The following CHID1 variants were observed in gnomAD, a reference collection of about 807,000 sequenced individuals.
CHID1 encodes the protein chitinase domain-containing protein 1.
In CHID1, 44 loss-of-function variants were observed where a neutral mutation model predicts 55.4. That is an observed-to-expected ratio of 0.79 (90% CI 0.62 to 1.02). CHID1 has a LOEUF of 1.02. Ranked by LOEUF, CHID1 falls within the 50% of genes least tolerant of loss-of-function variation. CHID1 has a pLI of 0.00. For missense variants in CHID1, 491 were observed against 515.3 expected (o/e 0.95, Z 0.46); for synonymous variants, 216 against 212.9 (o/e 1.01, Z -0.13).
At chr11:878,402 C>CA (rs1023559972) in intron 10 of CHID1, among the ~76,000 whole-genome samples, 17 of 150,390 alleles carry the variant, frequency 1.1e-4, no homozygotes, top group Admixed American at 6.6e-4. Flanking sequence ...GACTCCGTCT[C>CA]AAAAAAAACA....
chr11:872,955 C>G (rs1271288853), intron 10 of CHID1, among the ~76,000 whole-genome samples: 2 of 152,164 alleles, frequency 1.3e-5, no homozygotes, highest in Non-Finnish European at 2.9e-5. Context: ...GCCTCCCACT[C>G]AGGAGCCCCA....
intron 10 of CHID1, among the ~76,000 whole-genome samples, chr11:882,062 C>A (rs901171098): frequency 2.0e-5 from 3 of 151,564 alleles, no homozygotes; most frequent in Non-Finnish European, 4.4e-5. Context: ...TGTGGTGGCT[C>A]ACCCCTGTAA....
In CHID1 at chr11:870,385, G is replaced by C. The variant is rs1246742624; in HGVS notation, c.1040+34C>G. On this transcript the variant is annotated intron_variant, in intron 11 of 12. Coordinates refer to ENST00000323578, the MANE Select transcript of CHID1 (RefSeq NM_023947.4). The stretch of plus-strand genomic sequence containing the variant: ...CCCCAGGGCCCCTCCCTGCACACAA[G>C]GCCAAGGTGGGCCACGCACTTCAAA... 3 of 1,562,490 alleles carry C rather than the reference G, an allele frequency of 1.9e-6. No individual in the cohort carries two copies. The African/African-American group carries it at 4.1e-5, about 21-fold the overall frequency.
In CHID1 at chr11:868,020, C is replaced by T. The variant is rs1461920256; in HGVS notation, c.*1838G>A. The T allele has an allele frequency of 6.6e-6, 1 of 152,062 alleles. No homozygotes were observed. The highest frequency in any genetic ancestry group is 1.5e-5 in the Non-Finnish European group (1 of 68,038). The allele number at this position is 152,062 out of a possible 1,614,324, so 9.4% of individuals were successfully genotyped here. A position where few individuals can be genotyped will look rare whatever the true frequency, so the allele number is the denominator to read the frequency against. On this transcript the variant is annotated 3_prime_UTR_variant, in exon 13 of 13. Transcript: ENST00000323578. ...AATCTCATTTCCAGCTAATTCCTGC[C>T]CCACCCTCTGCCCATCCCCCCGGGA...
Position 902,190 on chromosome 11 carries a change from A to G in CHID1, c.394+8T>C, listed in dbSNP as rs762723638. ...GGGCAAGCACAGTCAAGCAGGAAGG[A>G]TGAGAACCTTGGTCCACGTCGTGGA... On this transcript the variant is annotated splice_region_variant and intron_variant, in intron 4 of 12. Coordinates refer to ENST00000323578, the MANE Select transcript of CHID1 (RefSeq NM_023947.4). 2.5e-6 allele frequency: 4 copies of G among 1,613,568 alleles called. No homozygotes were observed. The Admixed American group carries it at 6.7e-5, about 27-fold the overall frequency.
At chr11:870,203 G>A in intron 11 of CHID1, 40 bp from the exon 12 acceptor site, 8 of 1,612,522 alleles carry the variant, frequency 5.0e-6, no homozygotes, top group Non-Finnish European at 6.8e-6. Context: ...CGCTCTGCTG[G>A]TTCCAGGCCT....
At chr11:911,057 C>T (rs1185393094), upstream of CHID1, 1 of 153,040 alleles carries the variant, frequency 6.5e-6, no homozygotes, top group Non-Finnish European at 1.5e-5. Context: ...AGGTTCCCGG[C>T]CCAGGGGTAG....
chr11:880,839 A>T (rs1849862204), intron 10 of CHID1, among the ~76,000 whole-genome samples: 1 of 152,234 alleles, frequency 6.6e-6, no homozygotes, highest in Non-Finnish European at 1.5e-5. Flanking sequence ...TGAGCAGCTA[A>T]AACTGTTTCT....
At position 903,194 on chromosome 11, in the gene CHID1, A is replaced by C. The variant is rs957414712; in HGVS notation, c.112-83T>G. ...GAGCCCCACCCAGCAAGTCCCTTCC[A>C]TTCAGCCAGCAGCCGAGTCTCTGGA... On this transcript the variant is annotated intron_variant, in intron 2 of 12. Transcript: ENST00000323578. 4.9e-6 allele frequency: 7 copies of C among 1,415,900 alleles called. No homozygotes were observed. The African/African-American group carries it at 8.4e-5, about 17-fold the overall frequency. 87.7% of individuals were successfully genotyped at this position (1,415,900 alleles called of 1,614,324 possible). A position where few individuals can be genotyped will look rare whatever the true frequency, so the allele number is the denominator to read the frequency against.
intron 7 of CHID1, among the ~76,000 whole-genome samples, chr11:894,035 T>C (rs1371347496): frequency 7.1e-6 from 1 of 139,882 alleles, no homozygotes. Flanking sequence ...GGCAGGAGAA[T>C]TACTTGAACC....
upstream of CHID1, among the ~76,000 whole-genome samples, chr11:913,384 A>G (rs1173149034): frequency 6.6e-6 from 1 of 152,308 alleles, no homozygotes; most frequent in South Asian, 2.1e-4. Flanking sequence ...CGCAAAAAGG[A>G]GTGAAAAGAG....
intron 8 of CHID1, among the ~76,000 whole-genome samples, chr11:890,701 G>A (rs1850744787): frequency 6.6e-6 from 1 of 152,194 alleles, no homozygotes; most frequent in Non-Finnish European, 1.5e-5. Flanking sequence ...GGTCCCACTG[G>A]CCTGTGGGGT....
chr11:870,333 TG>T, intron 11 of CHID1, 85 bp downstream of exon 11: 1 of 1,347,728 alleles, frequency 7.4e-7, no homozygotes, highest in Non-Finnish European at 1.0e-6. Flanking sequence ...TGAGACCCCC[TG>T]GGCCCTGCTG....
At chr11:902,006 T>C in intron 4 of CHID1, 192 bp downstream of exon 4, 1 of 628,746 alleles carries the variant, frequency 1.6e-6, no homozygotes, top group Non-Finnish European at 2.8e-6. Context: ...ACTCACAATC[T>C]CTTCTCTCCC....
intron 10 of CHID1, 63 bp downstream of exon 10, chr11:883,085 T>C (rs1850117373): frequency 1.3e-6 from 2 of 1,539,828 alleles, no homozygotes; most frequent in South Asian, 2.4e-5. Context: ...TCTGTCTCCT[T>C]ACACCCACAC....
At position 900,261 on chromosome 11, in the gene CHID1, T is replaced by C. The variant is rs1851709724; in HGVS notation, c.440-151A>G. The C allele has an allele frequency of 7.8e-6, 5 of 637,986 alleles. No individual in the cohort carries two copies. The Admixed American group carries it at 1.2e-4, about 16-fold the overall frequency. The allele number at this position is 637,986 out of a possible 1,614,324, so 39.5% of individuals were successfully genotyped here. A position where few individuals can be genotyped will look rare whatever the true frequency, so the allele number is the denominator to read the frequency against. ...AGGGAGGCCACCTGGAGCACCCACA[T>C]GTCCAGAGAGGATGTCCCAGAGCCT... On this transcript the variant is annotated intron_variant, in intron 5 of 12. Coordinates refer to ENST00000323578, the MANE Select transcript of CHID1 (RefSeq NM_023947.4).
Position 893,505 on chromosome 11 carries a change from A to G in CHID1, c.623T>C (p.Met208Thr), listed in dbSNP as rs1177143037. 6.4e-7 allele frequency: 1 copy of G among 1,550,546 alleles called. No homozygotes were observed. The highest frequency in any genetic ancestry group is 2.4e-5 in the East Asian group (1 of 41,108). Reference sequence around the variant, plus strand: ...CAGAGCCTCGGCCAAGTGGGTGAGCATGTGGATGAGGCCCCTGCAAGAACC... The same window carrying G: ...CAGAGCCTCGGCCAAGTGGGTGAGCGTGTGGATGAGGCCCCTGCAAGAACC... ...LSQKRVGLIH[M>T]LTHLAEALHQ... The change falls in exon 8 of 13, where the codon ATG becomes ACG. Residue 208 changes from methionine (M) to threonine (T), a missense_variant. Transcript: ENST00000323578.
chr11:890,164 C>T (rs1850700082), intron 8 of CHID1, among the ~76,000 whole-genome samples: 1 of 152,258 alleles, frequency 6.6e-6, no homozygotes, highest in South Asian at 2.1e-4. Flanking sequence ...CCCTTTGGCC[C>T]TTTGGGGCCT....
At chr11:914,119 TA>T (rs1469090302), upstream of CHID1, among the ~76,000 whole-genome samples, 2 of 151,226 alleles carry the variant, frequency 1.3e-5, no homozygotes, top group Admixed American at 6.6e-5. Context: ...AAGGGAATAA[TA>T]GGGGGTTTGT....
Sources: gnomAD v4.1 joint callset for allele counts (sites outside exome capture counted in the v4.1 genomes callset) on GRCh38, gnomAD v4.1.1 for gene constraint, MANE v1.5 for transcripts, NCBI Gene and HGNC (gene_info 2026-07-23, HGNC 2026-07-21) for gene names.